Variants in TNKS observed in about 807,000 individuals in gnomAD.
The protein encoded by TNKS is tankyrase.
TNKS carries 72 observed loss-of-function variants against 135.8 expected under a neutral mutation model. The ratio of observed to expected loss-of-function variants is 0.53; its 90% CI spans 0.44 to 0.64. The LOEUF (loss-of-function observed/expected upper bound fraction) is 0.64, where lower values mean the gene tolerates loss of function less well. Ranked by LOEUF, TNKS falls within the 30% of genes least tolerant of loss-of-function variation. The pLI, the probability that TNKS is intolerant of heterozygous loss-of-function variation, is 0.00. For synonymous variants in TNKS, 849 were observed against 649.3 expected, an observed-to-expected ratio of 1.31 and a Z score of -4.68; for missense variants, 1,769 against 1,674.0, an observed-to-expected ratio of 1.06 and a Z score of -0.99.
chr8:9,715,234 G>C (rs1011646958), intron 11 of TNKS, among the ~76,000 whole-genome samples: 1 of 152,098 alleles, frequency 6.6e-6, no homozygotes. Context: ...ATATATCTCA[G>C]TTAGGGTCTT....
intron 2 of TNKS, among the ~76,000 whole-genome samples, chr8:9,585,187 A>G (rs1051550794): frequency 6.6e-6 from 1 of 152,138 alleles, no homozygotes; most frequent in Non-Finnish European, 1.5e-5. Flanking sequence ...AGAGGAAACA[A>G]TTTAGTAGAT....
At chr8:9,583,817 A>C (rs1229672038) in intron 2 of TNKS, among the ~76,000 whole-genome samples, 2 of 151,280 alleles carry the variant, frequency 1.3e-5, no homozygotes, top group African/African-American at 4.8e-5. Context: ...TTAGTGCTTG[A>C]GAATTTCATT....
chr8:9,633,341 T>G (rs907391140), intron 3 of TNKS, among the ~76,000 whole-genome samples: 17 of 152,198 alleles, frequency 1.1e-4, no homozygotes, highest in Non-Finnish European at 1.2e-4. Flanking sequence ...AGGAGACTGG[T>G]TGAATAATCT....
chr8:9,638,983 T>G (rs1273286043), intron 3 of TNKS, among the ~76,000 whole-genome samples: 1 of 152,178 alleles, frequency 6.6e-6, no homozygotes, highest in Non-Finnish European at 1.5e-5. Flanking sequence ...GGGGGTGTCT[T>G]GAAAATTGTA....
At chr8:9,630,056 T>G (rs956115010) in intron 3 of TNKS, among the ~76,000 whole-genome samples, 1 of 152,210 alleles carries the variant, frequency 6.6e-6, no homozygotes, top group Non-Finnish European at 1.5e-5. Context: ...ACCTCTCAAA[T>G]GGGCTAGTAT....
Position 9,730,899 on chromosome 8 carries a change from A to T in TNKS, c.2011A>T (p.Ser671Cys). 6.2e-7 allele frequency: 1 copy of T among 1,612,770 alleles called. No individual in the cohort carries two copies. The highest frequency in any genetic ancestry group is 1.7e-5 in the Admixed American group (1 of 59,740). The part of the protein sequence containing the change: ...GDLETVKQLC[S>C]SQNVNCRDLE... Reference sequence around the variant, plus strand: ...GTGTGCACCACGAAAGCAACTTTGCAGCTCTCAAAATGTGAATTGTAGAGA... The same window carrying T: ...GTGTGCACCACGAAAGCAACTTTGCTGCTCTCAAAATGTGAATTGTAGAGA... Residue 671 changes from serine to cysteine, a missense_variant, in exon 14 of 27, where the codon AGC becomes TGC. Physicochemically the swap from Ser to Cys is moderately radical, Grantham distance 112. Coordinates refer to ENST00000310430, the MANE Select transcript of TNKS (RefSeq NM_003747.3).
intron 11 of TNKS, chr8:9,710,513 G>T: frequency 2.0e-6 from 1 of 510,934 alleles, no homozygotes; most frequent in Non-Finnish European, 3.4e-6. Flanking sequence ...ATACTATACG[G>T]ATATATTTTG....
At chr8:9,629,494 C>T (rs916376883) in intron 3 of TNKS, among the ~76,000 whole-genome samples, 1 of 152,212 alleles carries the variant, frequency 6.6e-6, no homozygotes, top group Non-Finnish European at 1.5e-5. Context: ...TGTCTGACTG[C>T]AATGGTTAGT....
At chr8:9,638,766 G>T (rs535374771) in intron 3 of TNKS, among the ~76,000 whole-genome samples, 1 of 152,048 alleles carries the variant, frequency 6.6e-6, no homozygotes, top group African/African-American at 2.4e-5. Context: ...TTAAATGTGT[G>T]AAAAGCCATA....
At chr8:9,564,040 A>G (rs1047162438) in intron 1 of TNKS, among the ~76,000 whole-genome samples, 2 of 152,160 alleles carry the variant, frequency 1.3e-5, no homozygotes, top group African/African-American at 4.8e-5. Flanking sequence ...ATCATCTTTT[A>G]CAGTAGTAGC....
At chr8:9,595,408 G>A (rs1369633717) in intron 2 of TNKS, among the ~76,000 whole-genome samples, 1 of 152,030 alleles carries the variant, frequency 6.6e-6, no homozygotes. Context: ...AATAATCTCC[G>A]CTGACACTGA....
intron 1 of TNKS, among the ~76,000 whole-genome samples, chr8:9,568,694 A>T (rs1180915248): frequency 6.6e-6 from 1 of 152,232 alleles, no homozygotes; most frequent in African/African-American, 2.4e-5. Flanking sequence ...CAATTCTGGT[A>T]TATTGTTTGG....
intron 2 of TNKS, among the ~76,000 whole-genome samples, chr8:9,595,121 T>C (rs1234834675): frequency 6.7e-6 from 1 of 149,726 alleles, no homozygotes; most frequent in African/African-American, 2.5e-5. Context: ...AAAACCTGAA[T>C]TGGTATTTTT....
intron 3 of TNKS, among the ~76,000 whole-genome samples, chr8:9,632,844 C>G (rs10090999): frequency 0.1 from 15,850 of 152,152 alleles, 953 homozygotes; most frequent in South Asian, 0.17. Flanking sequence ...ATTCTCCTGC[C>G]TCAGCCTCCC....
chr8:9,699,303 T>A (rs564438195), intron 5 of TNKS, among the ~76,000 whole-genome samples: 2 of 152,382 alleles, frequency 1.3e-5, no homozygotes, highest in Admixed American at 1.3e-4. Flanking sequence ...TTTGGCACTA[T>A]GTGGTAACCA....
intron 20 of TNKS, among the ~76,000 whole-genome samples, chr8:9,756,164 A>G (rs1040564208): frequency 1.8e-4 from 27 of 152,164 alleles, no homozygotes; most frequent in African/African-American, 6.5e-4. Context: ...TTTTCATGGA[A>G]AGTGACCAGA....
intron 2 of TNKS, among the ~76,000 whole-genome samples, chr8:9,610,303 A>G (rs1449812408): frequency 3.1e-5 from 3 of 96,138 alleles, no homozygotes; most frequent in African/African-American, 9.2e-5. Flanking sequence ...TCTATAATAT[A>G]TATATACTGT....
chr8:9,765,605 ACCTT>A, intron 23 of TNKS, 83 bp from the exon 24 acceptor site: 1 of 1,103,446 alleles, frequency 9.1e-7, no homozygotes, highest in Non-Finnish European at 1.3e-6. Context: ...TAAAAATTGA[ACCTT>A]CCTAAAAGGA....
At chr8:9,762,105 A>G (rs1469845101) in intron 21 of TNKS, among the ~76,000 whole-genome samples, 1 of 152,202 alleles carries the variant, frequency 6.6e-6, no homozygotes, top group African/African-American at 2.4e-5. Context: ...CATTGCTAAC[A>G]TGGTTTTTTA....
Sources: allele counts gnomAD v4.1 joint callset (sites outside exome capture counted in the v4.1 genomes callset), GRCh38; gene constraint gnomAD v4.1.1; transcripts MANE v1.5; gene names NCBI Gene and HGNC (gene_info 2026-07-23, HGNC 2026-07-21).